The following SMAD2 variants were observed in gnomAD, a reference collection of about 807,000 sequenced individuals.
SMAD2 encodes SMAD family member 2.
In SMAD2, 8 loss-of-function variants were observed where a neutral mutation model predicts 64.4. The observed-to-expected ratio is 0.12, with a 90% CI of 0.07 to 0.22. The LOEUF is 0.22. Among genes scored for constraint, SMAD2 ranks in the 10% least tolerant of loss-of-function variants. The probability of loss-of-function intolerance (pLI) is 1.00; values close to 1 mark genes in which losing one functional copy is unlikely to be tolerated. For synonymous variants in SMAD2, 203 were observed against 195.8 expected (o/e 1.04, Z -0.31); for missense variants, 289 against 561.2 (o/e 0.51, Z 4.90).
rs1428722059 is a variant in SMAD2, at chr18:47,828,873, T to C, written c.*12954A>G. 1 of 152,270 alleles carries C rather than the reference T, an allele frequency of 6.6e-6. No homozygotes were observed. Among genetic ancestry groups the C allele is most frequent in the African/African-American group, 2.6e-5 (1 of 39,108 alleles). 9.4% of individuals were successfully genotyped at this position (152,270 alleles called of 1,614,324 possible). On this transcript the variant is annotated 3_prime_UTR_variant, in exon 11 of 11. Transcript: ENST00000262160. ...TTATCTGCTGACCTTCCCTCCACTA[T>C]TGTCCTATGACCCTGCCACATCCCC...
rs1449753869 is a variant in SMAD2, at chr18:47,841,624, A to C, written c.*203T>G. On this transcript the variant is annotated 3_prime_UTR_variant, in exon 11 of 11. Coordinates refer to ENST00000262160, the MANE Select transcript of SMAD2 (RefSeq NM_005901.6). The stretch of plus-strand genomic sequence containing the variant: ...AAATCTTCTCTTCCTCTTTAATGGG[A>C]GAGTATTTCTAGACACTAATTTTCC... 8 of 603,388 alleles carry C rather than the reference A, an allele frequency of 1.3e-5. No individual in the cohort carries two copies. The highest frequency in any genetic ancestry group is 2.4e-5 in the Non-Finnish European group (8 of 339,506). 37.4% of individuals were successfully genotyped at this position (603,388 alleles called of 1,614,324 possible). A position where few individuals can be genotyped will look rare whatever the true frequency, so the allele number is the denominator to read the frequency against.
intron 10 of SMAD2, among the ~76,000 whole-genome samples, chr18:47,842,255 G>A (rs1914026061): frequency 6.6e-6 from 1 of 152,030 alleles, no homozygotes; most frequent in Admixed American, 6.6e-5. Flanking sequence ...TTAATATCAG[G>A]CCAGGGCCAG....
Position 47,821,122 on chromosome 18 carries a change from T to A in SMAD2, c.*20705A>T, listed in dbSNP as rs191506715. 1 of 152,280 alleles carries A rather than the reference T, an allele frequency of 6.6e-6. No homozygotes were observed. The highest frequency in any genetic ancestry group is 6.5e-5 in the Admixed American group (1 of 15,296). The allele number at this position is 152,280 out of a possible 1,614,324, so 9.4% of individuals were successfully genotyped here. On this transcript the variant is annotated 3_prime_UTR_variant, in exon 11 of 11. Transcript: ENST00000262160. ...CTAGATTCAGGTTAGAAAGGCTGTC[T>A]TTTTTCATTTAAGATGGTCATTTCA... is the stretch of plus-strand genomic sequence containing the variant.
chr18:47,922,626 G>A (rs1238145345), intron 1 of SMAD2: 11 of 152,170 alleles, frequency 7.2e-5, no homozygotes, highest in Admixed American at 6.5e-4. Context: ...TGTGGAGACC[G>A]AGATTTTTAG....
rs1913254476 is a variant in SMAD2 at position 47,834,774 on chromosome 18, A to G, written c.*7053T>C. 4.5e-6 allele frequency: 1 copy of G among 220,626 alleles called. No individual in the cohort carries two copies. Among genetic ancestry groups the G allele is most frequent in the Non-Finnish European group, 9.1e-6 (1 of 110,132 alleles). The allele number at this position is 220,626 out of a possible 1,614,324, so 13.7% of individuals were successfully genotyped here. On this transcript the variant is annotated 3_prime_UTR_variant, in exon 11 of 11. Transcript: ENST00000262160. ...GGTTCTTCTAGCTTTGTCCAGTTAT[A>G]TGGTATTTTACTGTATTCTCTTTTT...
intron 1 of SMAD2, among the ~76,000 whole-genome samples, chr18:47,927,834 G>A (rs906572790): frequency 6.6e-6 from 1 of 152,228 alleles, no homozygotes; most frequent in African/African-American, 2.4e-5. Context: ...AGGAGGCGGA[G>A]GTTGCGGTGA....
At chr18:47,926,664 G>A (rs1268337782) in intron 1 of SMAD2, among the ~76,000 whole-genome samples, 1 of 152,160 alleles carries the variant, frequency 6.6e-6, no homozygotes, top group Non-Finnish European at 1.5e-5. Context: ...GCTCTCCTAA[G>A]CTTTAAGCTA....
chr18:47,811,266 T>G lies in SMAD2; in HGVS notation c.*30561A>C, dbSNP rs1912191430. The G allele has an allele frequency of 6.6e-6, 1 of 151,884 alleles. No individual in the cohort carries two copies. The highest frequency in any genetic ancestry group is 2.4e-5 in the African/African-American group (1 of 41,282). The allele number at this position is 151,884 out of a possible 1,614,324, so 9.4% of individuals were successfully genotyped here. A position where few individuals can be genotyped will look rare whatever the true frequency, so the allele number is the denominator to read the frequency against. On this transcript the variant is annotated 3_prime_UTR_variant, in exon 11 of 11. Coordinates refer to ENST00000262160, the MANE Select transcript of SMAD2 (RefSeq NM_005901.6). Reference sequence around the variant, plus strand: ...GCGGGTGGATCACAAGGTCAGGAGATTGAGACCATCCTGGCTAACACGGTG... The same window carrying G: ...GCGGGTGGATCACAAGGTCAGGAGAGTGAGACCATCCTGGCTAACACGGTG...
chr18:47,850,114 G>A lies in SMAD2; in HGVS notation c.784+1160C>T, dbSNP rs150750490. Among the ~76,000 whole-genome samples, 1,281 of 133,766 alleles carry A rather than the reference G, an allele frequency of 9.6e-3. 20 individuals carry two copies. Among genetic ancestry groups the A allele is most frequent in the African/African-American group, 0.034 (1,193 of 34,890 alleles). The allele number at this position is 133,766 out of a possible 152,430, so 87.8% of individuals were successfully genotyped here. On this transcript the variant is annotated intron_variant, in intron 7 of 10. Transcript: ENST00000262160. ...TCTGCAGTTGGTTGAATCTGCAGAT[G>A]CTGAACTCATGGTTATGAAGGGACC...
At position 47,836,727 on chromosome 18, in the gene SMAD2, A is replaced by G. The variant is rs1401727284; in HGVS notation, c.*5100T>C. 6 of 219,686 alleles carry G rather than the reference A, an allele frequency of 2.7e-5. No homozygotes were observed. The highest frequency in any genetic ancestry group is 4.6e-5 in the Non-Finnish European group (5 of 109,666). The allele number at this position is 219,686 out of a possible 1,614,324, so 13.6% of individuals were successfully genotyped here. ...AGATAAAACAGTTCCTACTCAAAAA[A>G]TTACATGAACACACGAGATAAGTTC... On this transcript the variant is annotated 3_prime_UTR_variant, in exon 11 of 11. Coordinates refer to ENST00000262160, the MANE Select transcript of SMAD2 (RefSeq NM_005901.6).
chr18:47,882,898 G>A (rs766712482), intron 2 of SMAD2, among the ~76,000 whole-genome samples: 9 of 152,072 alleles, frequency 5.9e-5, no homozygotes, highest in South Asian at 2.1e-4. Context: ...GCATAAAATT[G>A]TTTATAATAT....
intron 8 of SMAD2, 89 bp downstream of exon 8, chr18:47,848,386 C>T (rs1914743306): frequency 3.9e-6 from 4 of 1,015,534 alleles, no homozygotes; most frequent in Non-Finnish European, 6.2e-6. Flanking sequence ...GGTTTTACTG[C>T]ACACAAGCTC....
At position 47,828,935 on chromosome 18, in the gene SMAD2, TAAAAAAAAAAAAA is replaced by T. The variant is rs747216495; in HGVS notation, c.*12879_*12891del. On this transcript the variant is annotated 3_prime_UTR_variant, in exon 11 of 11. Transcript: ENST00000262160. ...ACACCCAAGAATGATCAATAAATAC[TAAAAAAAAAAAAA>T]AAAAAAAAAAAAAAGACTTTAGTTC... 2 of 32,462 alleles carry T rather than the reference TAAAAAAAAAAAAA, an allele frequency of 6.2e-5. No homozygotes were observed. Among genetic ancestry groups the T allele is most frequent in the South Asian group, 3.0e-3 (1 of 330 alleles). The allele number at this position is 32,462 out of a possible 1,614,324, so 2.0% of individuals were successfully genotyped here.
Position 47,818,920 on chromosome 18 carries a change from G to A in SMAD2, c.*22907C>T, listed in dbSNP as rs1401219821. ...ATAACTGTCTTTTATAAACCAGCAA[G>A]CCTGTATTACTATCGTATGACTAAA... On this transcript the variant is annotated 3_prime_UTR_variant, in exon 11 of 11. Coordinates refer to ENST00000262160, the MANE Select transcript of SMAD2 (RefSeq NM_005901.6). 1 of 152,154 alleles carries A rather than the reference G, an allele frequency of 6.6e-6. No homozygotes were observed. The highest frequency in any genetic ancestry group is 1.5e-5 in the Non-Finnish European group (1 of 68,032). The allele number at this position is 152,154 out of a possible 1,614,324, so 9.4% of individuals were successfully genotyped here.
intron 1 of SMAD2, among the ~76,000 whole-genome samples, chr18:47,917,608 G>C (rs1333501482): frequency 2.0e-5 from 3 of 151,872 alleles, no homozygotes; most frequent in Non-Finnish European, 4.4e-5. Flanking sequence ...CCACTGACTT[G>C]GAGTTATACG....
intron 8 of SMAD2, among the ~76,000 whole-genome samples, chr18:47,847,286 A>G (rs1178063576): frequency 6.6e-6 from 1 of 152,188 alleles, no homozygotes; most frequent in Non-Finnish European, 1.5e-5. Flanking sequence ...GAACCAAGTA[A>G]TAGATCTTCT....
At chr18:47,869,165 G>T (rs189376447) in intron 4 of SMAD2, 78 bp downstream of exon 4, 2 of 1,008,308 alleles carry the variant, frequency 2.0e-6, no homozygotes, top group South Asian at 1.4e-5. Context: ...AAATTTTCCT[G>T]GGTCACAAGA....
chr18:47,898,885 C>CG (rs1598859563), intron 1 of SMAD2, among the ~76,000 whole-genome samples: 1 of 103,878 alleles, frequency 9.6e-6, no homozygotes, highest in East Asian at 5.6e-4. Flanking sequence ...TTGCATTCAA[C>CG]AATTTTTTTT....
Position 47,814,672 on chromosome 18 carries a change from A to G in SMAD2, c.*27155T>C, listed in dbSNP as rs375153488. On this transcript the variant is annotated 3_prime_UTR_variant, in exon 11 of 11. Coordinates refer to ENST00000262160, the MANE Select transcript of SMAD2 (RefSeq NM_005901.6). ...CCTGGGGAAGACTGCAAGCCACTCA[A>G]AAAAGTCCTACTCATGACTTAGAGG... The G allele has an allele frequency of 9.8e-5, 15 of 152,328 alleles. No individual in the cohort carries two copies. The highest frequency in any genetic ancestry group is 3.4e-4 in the African/African-American group (14 of 41,574). The allele number at this position is 152,328 out of a possible 1,614,324, so 9.4% of individuals were successfully genotyped here.
Sources: allele counts gnomAD v4.1 joint callset (sites outside exome capture counted in the v4.1 genomes callset), GRCh38; gene constraint gnomAD v4.1.1; transcripts MANE v1.5; gene names NCBI Gene and HGNC (gene_info 2026-07-23, HGNC 2026-07-21).